Variants in ARID3A observed in about 807,000 individuals in gnomAD.
ARID3A encodes the protein AT-rich interactive domain-containing protein 3A.
Under a neutral mutation model 52.7 loss-of-function variants are expected in ARID3A, and 11 were observed. The observed-to-expected ratio is 0.21, with a 90% CI of 0.13 to 0.35. ARID3A has a LOEUF of 0.35. Among genes scored for constraint, ARID3A ranks in the 10% least tolerant of loss-of-function variants. The pLI, the probability that ARID3A is intolerant of heterozygous loss-of-function variation, is 1.00. For synonymous variants in ARID3A, 404 were observed against 359.4 expected (o/e 1.12, Z -1.40); for missense variants, 721 against 838.5 (o/e 0.86, Z 1.73).
chr19:932,444 T>TGGAGGAAGACCTCGGGGAGGA lies in ARID3A; in HGVS notation c.396_416dup (p.Glu138_Asp139insGluGluGluAspLeuGlyGlu). ...AAGCCCAAATGGGAGGAGGAGGAGA[T>TGGAGGAAGACCTCGGGGAGGA]GGAGGAAGACCTCGGGGAGGATGAG... On this transcript the variant is annotated inframe_insertion, in exon 3 of 9. Coordinates refer to ENST00000263620, the MANE Select transcript of ARID3A (RefSeq NM_005224.3). The TGGAGGAAGACCTCGGGGAGGA allele has an allele frequency of 6.3e-7, 1 of 1,588,948 alleles. No homozygotes were observed.
chr19:940,855 C>T (rs997329619), intron 3 of ARID3A, among the ~76,000 whole-genome samples: 3 of 152,068 alleles, frequency 2.0e-5, no homozygotes, highest in Admixed American at 6.5e-5. Context: ...ACCGGGGCAG[C>T]GCCCGCCTCA....
At chr19:956,013 C>A (rs1326906998) in intron 3 of ARID3A, among the ~76,000 whole-genome samples, 1 of 152,206 alleles carries the variant, frequency 6.6e-6, no homozygotes, top group African/African-American at 2.4e-5. Flanking sequence ...TGACATGTGG[C>A]CGGCCTCTGT....
intron 3 of ARID3A, among the ~76,000 whole-genome samples, chr19:943,822 G>A (rs138097639): frequency 1.3e-5 from 2 of 152,354 alleles, no homozygotes; most frequent in African/African-American, 2.4e-5. Context: ...ACACCAGGCT[G>A]TGCCTCCCTG....
In ARID3A at chr19:973,104, A is replaced by ATTTTTTTTTTTTCTTTTTTTTTTTT. The variant is rs2038315245; in HGVS notation, c.*1051_*1052insCTTTTTTTTTTTTTTTTTTTTTTTT. 1 of 53,488 alleles carries ATTTTTTTTTTTTCTTTTTTTTTTTT rather than the reference A, an allele frequency of 1.9e-5. No homozygotes were observed. The allele number at this position is 53,488 out of a possible 1,614,324, so 3.3% of individuals were successfully genotyped here. On this transcript the variant is annotated 3_prime_UTR_variant, in exon 9 of 9. Transcript: ENST00000263620. The stretch of plus-strand genomic sequence containing the variant: ...GGGCTCTCGAGTCAGGGGCCTGGAA[A>ATTTTTTTTTTTTCTTTTTTTTTTTT]TTTTTTTTTTTTTTTTTTTTTGAGA...
In ARID3A at chr19:972,222, G is replaced by GAT. The variant is rs10637085; in HGVS notation, c.*181_*182dup. The GAT allele has an allele frequency of 0.26, 57,966 of 219,422 alleles. 7,628 individuals are homozygous for GAT. The highest frequency in any genetic ancestry group is 0.39 in the East Asian group (3,701 of 9,388). 13.6% of individuals were successfully genotyped at this position (219,422 alleles called of 1,614,324 possible). ...CTGACGCCAAAAAGAAAAGAAAAAA[G>GAT]ATATATATATATATATATATATATA... On this transcript the variant is annotated 3_prime_UTR_variant, in exon 9 of 9. Transcript: ENST00000263620.
chr19:963,331 C>T (rs572232494), intron 4 of ARID3A, among the ~76,000 whole-genome samples: 2 of 152,346 alleles, frequency 1.3e-5, no homozygotes, highest in Admixed American at 6.5e-5. Flanking sequence ...TGGGACCCCA[C>T]GTAGGCAGAA....
In ARID3A at chr19:971,987, C is replaced by T. The variant is rs368152991; in HGVS notation, c.1704C>T (p.Thr568=). ...ACGCAGGCGGCCGGGGAGGAAACAC[C>T]GGAACCAGCGGCGGCCAGGCTGGGC... is the stretch of plus-strand genomic sequence containing the variant. The part of the protein sequence containing the change: ...SSNAGGRGGN[T]GTSGGQAGPA... Residue 568 remains threonine (T), a synonymous_variant, in exon 9 of 9, where the codon ACC becomes ACT. Transcript: ENST00000263620. 112 of 1,601,600 alleles carry T rather than the reference C, an allele frequency of 7.0e-5. No individual in the cohort carries two copies. The African/African-American group carries it at 8.4e-4, about 12-fold the overall frequency.
At chr19:935,221 G>C (rs920592291) in intron 3 of ARID3A, among the ~76,000 whole-genome samples, 1 of 152,238 alleles carries the variant, frequency 6.6e-6, no homozygotes, top group Admixed American at 6.5e-5. Context: ...GTGAAATTCT[G>C]CTGTCGGCTG....
chr19:965,813 G>A (rs1193054244), intron 6 of ARID3A, among the ~76,000 whole-genome samples: 4 of 151,672 alleles, frequency 2.6e-5, no homozygotes, highest in Non-Finnish European at 5.9e-5. Context: ...TCAATATGGT[G>A]AAACCCTGTC....
rs1203657791 is a variant in ARID3A at position 966,789 on chromosome 19, G to A, written c.1416G>A (p.Arg472=). ...KMALVADEQQ[R]LMQRALQQNF... The stretch of plus-strand genomic sequence containing the variant: ...CCCTGGTGGCCGATGAGCAGCAACG[G>A]CTGATGCAACGTGCACTCCAGCAGA... Residue 472 remains arginine (R), a synonymous_variant, in exon 7 of 9, where the codon CGG becomes CGA. Coordinates refer to ENST00000263620, the MANE Select transcript of ARID3A (RefSeq NM_005224.3). 1.2e-6 allele frequency: 2 copies of A among 1,613,682 alleles called. No individual in the cohort carries two copies. Among genetic ancestry groups the A allele is most frequent in the Admixed American group, 3.3e-5 (2 of 60,020 alleles).
chr19:933,807 C>T (rs375053894), intron 3 of ARID3A, among the ~76,000 whole-genome samples: 1 of 115,568 alleles, frequency 8.7e-6, no homozygotes, highest in Admixed American at 1.1e-4. Context: ...AAGCCGGACA[C>T]GGTGTGGGAG....
Position 973,571 on chromosome 19 carries a change from T to A in ARID3A, c.*1506T>A, listed in dbSNP as rs1426983351. On this transcript the variant is annotated 3_prime_UTR_variant, in exon 9 of 9. Coordinates refer to ENST00000263620, the MANE Select transcript of ARID3A (RefSeq NM_005224.3). ...CCGAAAGGGCTGCTTTTGAGGACTA[T>A]CAATACTGGGGAGTGGGGGTGAAGC... is the stretch of plus-strand genomic sequence containing the variant. 4.4e-6 allele frequency: 1 copy of A among 224,788 alleles called. No homozygotes were observed. The highest frequency in any genetic ancestry group is 6.4e-5 in the East Asian group (1 of 15,746). 13.9% of individuals were successfully genotyped at this position (224,788 alleles called of 1,614,324 possible).
At chr19:967,398 T>C (rs982657772) in intron 7 of ARID3A, among the ~76,000 whole-genome samples, 11 of 151,658 alleles carry the variant, frequency 7.3e-5, no homozygotes, top group African/African-American at 2.7e-4. Flanking sequence ...TGAGATGCCA[T>C]CTCTACAAAA....
At chr19:932,301 G>GGCC in intron 2 of ARID3A, 117 bp from the exon 3 acceptor site, 2 of 1,533,474 alleles carry the variant, frequency 1.3e-6, no homozygotes, top group Admixed American at 4.7e-5. Context: ...AGCTGGCGGC[G>GGCC]GCCGGCTCTT....
chr19:937,001 T>G (rs980668745), intron 3 of ARID3A, among the ~76,000 whole-genome samples: 1 of 151,924 alleles, frequency 6.6e-6, no homozygotes, highest in African/African-American at 2.4e-5. Flanking sequence ...GGTGCAGTGC[T>G]TCACGCCTGT....
At position 929,699 on chromosome 19, in the gene ARID3A, T is replaced by C; in HGVS notation, c.171T>C (p.Ala57=). ...REPESARMQR[A]QMAALAAMRA... is the part of the protein sequence containing the mutation. ...CCGAGAGTGCCCGGATGCAGCGGGC[T>C]CAGATGGCCGCACTGGCAGCCATGC... Residue 57 remains alanine (A), a synonymous_variant, in exon 2 of 9, where the codon GCT becomes GCC. Coordinates refer to ENST00000263620, the MANE Select transcript of ARID3A (RefSeq NM_005224.3). This position sits in a 1 kb window ranked among gnomAD's most constrained non-coding sequence, Gnocchi z 6.2. 6.4e-7 allele frequency: 1 copy of C among 1,564,508 alleles called. No homozygotes were observed. The highest frequency in any genetic ancestry group is 8.6e-7 in the Non-Finnish European group (1 of 1,163,538).
At chr19:970,494 T>C (rs1315901248) in intron 8 of ARID3A, among the ~76,000 whole-genome samples, 6 of 146,744 alleles carry the variant, frequency 4.1e-5, no homozygotes, top group Admixed American at 1.4e-4. Flanking sequence ...AATGAATAGT[T>C]TTTCTTTTTT....
chr19:931,823 C>CA lies in ARID3A; in HGVS notation c.369-582dup, dbSNP rs376224000. On this transcript the variant is annotated intron_variant, in intron 2 of 8. Coordinates refer to ENST00000263620, the MANE Select transcript of ARID3A (RefSeq NM_005224.3). ...GCGAGACTCCCTCTCAAAAAAAAGA[C>CA]AAAAAAAAAAAAACGGCTGCCAAGA... 4.0e-3 allele frequency among the ~76,000 whole-genome samples: 459 copies of CA among 115,626 alleles called. 3 individuals carry two copies. Among genetic ancestry groups the CA allele is most frequent in the African/African-American group, 8.8e-3 (287 of 32,778 alleles). The allele number at this position is 115,626 out of a possible 152,430, so 75.9% of individuals were successfully genotyped here. A position where few individuals can be genotyped will look rare whatever the true frequency, so the allele number is the denominator to read the frequency against.
chr19:936,042 G>A (rs1343300984), intron 3 of ARID3A, among the ~76,000 whole-genome samples: 10 of 151,708 alleles, frequency 6.6e-5, no homozygotes, highest in Non-Finnish European at 8.8e-5. Context: ...CGCCTGCCTC[G>A]GCCTCCCAAA....
Sources: allele counts gnomAD v4.1 joint callset (sites outside exome capture counted in the v4.1 genomes callset), GRCh38; gene constraint gnomAD v4.1.1; non-coding constraint Gnocchi (gnomAD v3.1); transcripts MANE v1.5; gene names NCBI Gene and HGNC (gene_info 2026-07-23, HGNC 2026-07-21).